DEPDC1: variants seen among roughly 807,000 people sequenced by gnomAD.
DEPDC1 encodes DEP domain-containing protein 1A.
A neutral mutation model predicts 86.8 loss-of-function variants in DEPDC1; 66 were observed. The ratio of observed to expected loss-of-function variants is 0.76; its 90% CI spans 0.62 to 0.93. The LOEUF (loss-of-function observed/expected upper bound fraction) is 0.93, where lower values mean the gene tolerates loss of function less well. DEPDC1 is among the 40% of genes least tolerant of loss of function. The probability of loss-of-function intolerance (pLI) is 0.00; values close to 1 mark genes in which losing one functional copy is unlikely to be tolerated. For missense variants in DEPDC1, 792 were observed against 935.7 expected, an observed-to-expected ratio of 0.85 and a Z score of 2.00; for synonymous variants, 255 against 314.9, an observed-to-expected ratio of 0.81 and a Z score of 2.02.
chr1:68,474,376 A>T lies in DEPDC1; in HGVS notation c.*2556T>A, dbSNP rs1646100932. ...AGGACAGAAAGGTAAGTCAGTGGGA[A>T]ATTCCATGTACATTCCATTACTAAA... On this transcript the variant is annotated 3_prime_UTR_variant, in exon 12 of 12. Transcript: ENST00000456315. 1 of 152,104 alleles carries T rather than the reference A, an allele frequency of 6.6e-6. No homozygotes were observed. The allele number at this position is 152,104 out of a possible 1,614,324, so 9.4% of individuals were successfully genotyped here.
rs1269661667 is a variant in DEPDC1 at position 68,477,777 on chromosome 1, AT to A, written c.2298+9del. Reference sequence around the variant, plus strand: ...TGTTTACATGATTGAGAACTTGCTCATTCTCTTACCTGTTTTAGTTTTTTTC... The same window carrying A: ...TGTTTACATGATTGAGAACTTGCTCATCTCTTACCTGTTTTAGTTTTTTTC... On this transcript the variant is annotated intron_variant, in intron 11 of 11. Transcript: ENST00000456315. 1 of 1,467,206 alleles carries A rather than the reference AT, an allele frequency of 6.8e-7. No homozygotes were observed. The highest frequency in any genetic ancestry group is 1.4e-5 in the African/African-American group (1 of 70,594). 90.9% of individuals were successfully genotyped at this position (1,467,206 alleles called of 1,614,324 possible).
chr1:68,482,827 AG>A lies in DEPDC1; in HGVS notation c.980del (p.Ser327PhefsTer7). 6.2e-7 allele frequency: 1 copy of A among 1,611,696 alleles called. No homozygotes were observed. The highest frequency in any genetic ancestry group is 8.5e-7 in the Non-Finnish European group (1 of 1,178,850). ...GIHKIQDDPQSSKFLHLNNLN... is the reference protein window; with the variant it reads ...GIHKIQDDPQXSKFLHLNNLN... ...AATTGTTTAAGTGAAGGAATTTTGA[AG>A]ACTGTGGATCATCTTGAATTTTATG... is the stretch of plus-strand genomic sequence containing the variant. On this transcript the variant is annotated frameshift_variant, in exon 8 of 12. Coordinates refer to ENST00000456315, the MANE Select transcript of DEPDC1 (RefSeq NM_001114120.3). LOFTEE classifies it high-confidence loss of function.
At chr1:68,478,780 C>T (rs1456205693) in intron 10 of DEPDC1, among the ~76,000 whole-genome samples, 2 of 152,010 alleles carry the variant, frequency 1.3e-5, no homozygotes, top group Non-Finnish European at 2.9e-5. Flanking sequence ...ACAACCTAAA[C>T]GATGCATATT....
At chr1:68,495,278 TA>T (rs1319376124) in intron 1 of DEPDC1, among the ~76,000 whole-genome samples, 1 of 152,238 alleles carries the variant, frequency 6.6e-6, no homozygotes, top group Non-Finnish European at 1.5e-5. Flanking sequence ...ATCCTGAGCT[TA>T]TTTAAGAAAT....
chr1:68,484,954 A>ATATATATATATT (rs1553156028), intron 6 of DEPDC1, among the ~76,000 whole-genome samples: 8 of 150,868 alleles, frequency 5.3e-5, no homozygotes, highest in Non-Finnish European at 1.0e-4. Context: ...ATATATATAT[A>ATATATATATATT]TTTTTTAAAG....
At chr1:68,483,774 G>A (rs139832336) in intron 7 of DEPDC1, among the ~76,000 whole-genome samples, 176 bp downstream of exon 7, 10 of 152,116 alleles carry the variant, frequency 6.6e-5, no homozygotes, top group African/African-American at 1.9e-4. Flanking sequence ...GGGAAGTCCC[G>A]AATTGGTAGT....
chr1:68,494,650 T>C lies in DEPDC1; in HGVS notation c.94A>G (p.Lys32Glu). Residue 32 changes from lysine (K) to glutamate (E), a missense_variant, in exon 2 of 12, where the codon AAA (lysine) becomes GAA (glutamate). Lys to Glu is a moderately conservative substitution (Grantham distance 56). Transcript: ENST00000456315. ...TATTTTTTAAAGTGTTGTCTGTGTT[T>C]TCTTAGAGGCATTCCTGCTCGAAAA... ...TSFRAGMPLR[K>E]HRQHFKKYGN... is the part of the protein sequence containing the mutation. 6.2e-7 allele frequency: 1 copy of C among 1,613,728 alleles called. No individual in the cohort carries two copies. Among genetic ancestry groups the C allele is most frequent in the Non-Finnish European group, 8.5e-7 (1 of 1,179,698 alleles).
intron 1 of DEPDC1, among the ~76,000 whole-genome samples, chr1:68,494,958 T>G (rs1445122559): frequency 6.6e-6 from 1 of 151,996 alleles, no homozygotes; most frequent in African/African-American, 2.4e-5. Flanking sequence ...GCCTGACCAA[T>G]ATGGAGAAAC....
chr1:68,495,083 G>A (rs891672933), intron 1 of DEPDC1, among the ~76,000 whole-genome samples: 16 of 151,932 alleles, frequency 1.1e-4, no homozygotes, highest in South Asian at 2.1e-4. Context: ...CGGAGGTTGC[G>A]GTGAGCTGAG....
At chr1:68,486,901 C>G (rs1474834184) in intron 6 of DEPDC1, 36 bp downstream of exon 6, 2 of 1,513,774 alleles carry the variant, frequency 1.3e-6, no homozygotes, top group Middle Eastern at 3.6e-4. Flanking sequence ...CACACACACA[C>G]ACACACACAC....
rs778306085 is a variant in DEPDC1, at chr1:68,482,567, G to A, written c.1241C>T (p.Ser414Phe). 6.2e-7 allele frequency: 1 copy of A among 1,613,200 alleles called. No individual in the cohort carries two copies. Among genetic ancestry groups the A allele is most frequent in the East Asian group, 2.2e-5 (1 of 44,840 alleles). The change falls in exon 8 of 12, where the codon TCT (serine) becomes TTT (phenylalanine). Residue 414 changes from serine (S) to phenylalanine (F), a missense_variant. Coordinates refer to ENST00000456315, the MANE Select transcript of DEPDC1 (RefSeq NM_001114120.3). Reference protein sequence around the residue: ...IGLSNMHDLSSNSKPRCCSLE... With the variant: ...IGLSNMHDLSFNSKPRCCSLE... ...AGAACAGCACCTTGGTTTGCTGTTAGAGGATAGATCATGCATATTACTTAA... is the reference window on the plus strand; with the variant it reads ...AGAACAGCACCTTGGTTTGCTGTTAAAGGATAGATCATGCATATTACTTAA...
At chr1:68,478,018 C>A (rs1283338910) in intron 10 of DEPDC1, 46 bp from the exon 11 acceptor site, 1 of 1,331,462 alleles carries the variant, frequency 7.5e-7, no homozygotes, top group Non-Finnish European at 1.0e-6. Flanking sequence ...TGGTCATGTT[C>A]TTATATGATA....
In DEPDC1 at chr1:68,477,882, CTT is replaced by C; in HGVS notation, c.2201_2202del (p.Lys734SerfsTer17). On this transcript the variant is annotated frameshift_variant, in exon 11 of 12. Transcript: ENST00000456315. LOFTEE classifies it high-confidence loss of function. ...GCAATTGCAGCTTGAGAGGTAGAAA[CTT>C]TTTGCTCATCAAACTCCTGAGCACT... The part of the protein sequence containing the change: ...QISAQEFDEQ[K>X]VSTSQAAIAE... The C allele has an allele frequency of 6.3e-7, 1 of 1,589,514 alleles. No individual in the cohort carries two copies. Among genetic ancestry groups the C allele is most frequent in the Non-Finnish European group, 8.6e-7 (1 of 1,167,302 alleles).
chr1:68,481,464 A>G lies in DEPDC1; in HGVS notation c.1911T>C (p.His637=). Residue 637 remains histidine (H), a synonymous_variant, in exon 9 of 12, where the codon CAT becomes CAC. Transcript: ENST00000456315. ...CCAGTGACCTCGTACCCATTGCATC[A>G]TGAAGTTTGGGCATATCAACATTTT... ...MSQNVDMPKL[H]DAMGTRSLMI... The G allele has an allele frequency of 1.2e-6, 2 of 1,612,316 alleles. No homozygotes were observed. The highest frequency in any genetic ancestry group is 1.7e-6 in the Non-Finnish European group (2 of 1,178,924).
At chr1:68,493,611 A>G (rs1315765216) in intron 2 of DEPDC1, among the ~76,000 whole-genome samples, 1 of 152,238 alleles carries the variant, frequency 6.6e-6, no homozygotes, top group East Asian at 1.9e-4. Flanking sequence ...CTGCTTGGCT[A>G]CTATAGCAAT....
Position 68,476,280 on chromosome 1 carries a change from T to A in DEPDC1, c.*652A>T, listed in dbSNP as rs1646114552. 1 of 151,812 alleles carries A rather than the reference T, an allele frequency of 6.6e-6. No homozygotes were observed. Among genetic ancestry groups the A allele is most frequent in the Non-Finnish European group, 1.5e-5 (1 of 67,796 alleles). The allele number at this position is 151,812 out of a possible 1,614,324, so 9.4% of individuals were successfully genotyped here. ...GCCTTATACTTCTTTTATATCCCCA[T>A]CTTCTAATAGATTATGAAAACTAGA... On this transcript the variant is annotated 3_prime_UTR_variant, in exon 12 of 12. Transcript: ENST00000456315.
intron 7 of DEPDC1, chr1:68,483,579 C>T (rs1325665960): frequency 1.4e-5 from 4 of 289,584 alleles, no homozygotes; most frequent in Admixed American, 5.0e-5. Flanking sequence ...GCTGGGATCA[C>T]GGCATGACCA....
intron 2 of DEPDC1, among the ~76,000 whole-genome samples, chr1:68,493,006 A>G (rs199739767): frequency 1.3e-5 from 2 of 152,120 alleles, no homozygotes; most frequent in East Asian, 3.9e-4. Flanking sequence ...CAGGAAAGAT[A>G]TTTCAGGAGA....
At position 68,482,886 on chromosome 1, in the gene DEPDC1, A is replaced by G; in HGVS notation, c.922T>C (p.Tyr308His). Residue 308 changes from tyrosine (Y) to histidine (H), a missense_variant, in exon 8 of 12, where the codon TAC becomes CAC. Physicochemically the swap from Tyr to His is moderately conservative, Grantham distance 83 (BLOSUM62 2). Coordinates refer to ENST00000456315, the MANE Select transcript of DEPDC1 (RefSeq NM_001114120.3). ...CTGGATCTATCTGAAACTGTGATGT[A>G]GCCACAAACAACTACCAGGAAATGA... ...LFVNILVVCG[Y>H]ITVSDRSSGI... 6.4e-7 allele frequency: 1 copy of G among 1,560,624 alleles called. No homozygotes were observed. The highest frequency in any genetic ancestry group is 8.6e-7 in the Non-Finnish European group (1 of 1,156,696).
Sources: gnomAD v4.1 joint callset for allele counts (sites outside exome capture counted in the v4.1 genomes callset) on GRCh38, gnomAD v4.1.1 for gene constraint, MANE v1.5 for transcripts, NCBI Gene and HGNC (gene_info 2026-07-23, HGNC 2026-07-21) for gene names.